The following GRIP1 variants were observed in gnomAD, a reference collection of about 807,000 sequenced individuals.
GRIP1 encodes glutamate receptor interacting protein 1.
GRIP1 carries 45 observed loss-of-function variants against 129.9 expected under a neutral mutation model. That is an observed-to-expected ratio of 0.35 (90% CI 0.27 to 0.44). GRIP1 has a LOEUF of 0.44. Among genes scored for constraint, GRIP1 ranks in the 20% least tolerant of loss-of-function variants. The pLI, the probability that GRIP1 is intolerant of heterozygous loss-of-function variation, is 1.00. For synonymous variants in GRIP1, 530 were observed against 520.8 expected (o/e 1.02, Z -0.24); for missense variants, 1,196 against 1,396.8 (o/e 0.86, Z 2.29).
intron 1 of GRIP1, among the ~76,000 whole-genome samples, chr12:66,766,759 T>A (rs960517301): frequency 6.6e-6 from 1 of 152,242 alleles, no homozygotes; most frequent in Non-Finnish European, 1.5e-5. Flanking sequence ...CATTAAATTA[T>A]AAATTTGTTA....
In GRIP1 at chr12:66,444,690, G is replaced by C. The variant is rs1392822000; in HGVS notation, c.1581C>G (p.Ile527Met). The change falls in exon 13 of 25, where the codon ATC becomes ATG. Residue 527 changes from isoleucine to methionine, a missense_variant. Transcript: ENST00000359742. Reference sequence around the variant, plus strand: ...TGCTGTCTTCTGTTGGAATTCCATTGATGGCCATCACTCTGTCTCCAATCT... The same window carrying C: ...TGCTGTCTTCTGTTGGAATTCCATTCATGGCCATCACTCTGTCTCCAATCT... ...VLQIGDRVMA[I>M]NGIPTEDSTF... is the part of the protein sequence containing the mutation. 13 of 1,613,848 alleles carry C rather than the reference G, an allele frequency of 8.1e-6. No individual in the cohort carries two copies. Among genetic ancestry groups the C allele is most frequent in the South Asian group, 1.1e-5 (1 of 91,058 alleles).
chr12:66,970,101 A>G (rs1157661545), intron 1 of GRIP1, among the ~76,000 whole-genome samples: 1 of 152,112 alleles, frequency 6.6e-6, no homozygotes, highest in Non-Finnish European at 1.5e-5. Context: ...TTGTTGAGAC[A>G]GGGTCTTACT....
intron 7 of GRIP1, among the ~76,000 whole-genome samples, chr12:66,507,476 TAG>T (rs1248988991): frequency 3.3e-5 from 5 of 151,248 alleles, no homozygotes; most frequent in African/African-American, 9.7e-5. Flanking sequence ...AAAGTATGAA[TAG>T]TGGCTAATTT....
intron 1 of GRIP1, among the ~76,000 whole-genome samples, chr12:66,760,146 G>A (rs189791454): frequency 3.1e-4 from 47 of 152,210 alleles, no homozygotes; most frequent in Non-Finnish European, 5.9e-4. Flanking sequence ...GAGCCACCTT[G>A]CCCAGCACAC....
intron 23 of GRIP1, among the ~76,000 whole-genome samples, chr12:66,355,010 C>A (rs547444959): frequency 6.6e-6 from 1 of 152,152 alleles, no homozygotes; most frequent in East Asian, 1.9e-4. Flanking sequence ...CTGTGAGACT[C>A]CAGACACCAA....
intron 7 of GRIP1, among the ~76,000 whole-genome samples, chr12:66,487,883 T>G (rs534463285): frequency 2.0e-5 from 3 of 151,188 alleles, no homozygotes; most frequent in Non-Finnish European, 4.4e-5. Flanking sequence ...AAAAAGACAA[T>G]GGGATTACAT....
chr12:66,428,013 T>G (rs2058038691), intron 14 of GRIP1, among the ~76,000 whole-genome samples: 1 of 152,178 alleles, frequency 6.6e-6, no homozygotes, highest in Non-Finnish European at 1.5e-5. Context: ...GGAGTTCAAG[T>G]CTTAAGCATT....
At chr12:66,981,859 A>G (rs994968325) in intron 1 of GRIP1, among the ~76,000 whole-genome samples, 1 of 152,220 alleles carries the variant, frequency 6.6e-6, no homozygotes, top group Non-Finnish European at 1.5e-5. Context: ...AAAAGAAAGT[A>G]GTTTCTAAAT....
intron 2 of GRIP1, among the ~76,000 whole-genome samples, chr12:66,577,701 G>C (rs140768337): frequency 3.3e-5 from 5 of 152,158 alleles, no homozygotes; most frequent in African/African-American, 1.2e-4. Context: ...TGTAATTCCA[G>C]TACTTTGGGA....
intron 1 of GRIP1, among the ~76,000 whole-genome samples, chr12:66,931,480 G>T (rs748129081): frequency 5.3e-5 from 8 of 152,172 alleles, no homozygotes; most frequent in Non-Finnish European, 1.2e-4. Flanking sequence ...TGAGGAAGAC[G>T]GACAGAGAAA....
chr12:67,032,582 G>C (rs996826016), intron 1 of GRIP1, among the ~76,000 whole-genome samples: 3 of 152,162 alleles, frequency 2.0e-5, no homozygotes, highest in East Asian at 1.9e-4. Context: ...ATAATTCTTT[G>C]TTGATGGGGA....
At chr12:66,932,564 G>A (rs2041415174) in intron 1 of GRIP1, among the ~76,000 whole-genome samples, 1 of 150,872 alleles carries the variant, frequency 6.6e-6, no homozygotes, top group Admixed American at 6.6e-5. Context: ...CCTGAATTGA[G>A]TCTCTTAGTC....
chr12:66,392,374 G>A lies in GRIP1; in HGVS notation c.2398C>T (p.Pro800Ser), dbSNP rs2056623403. The A allele has an allele frequency of 1.9e-6, 3 of 1,613,180 alleles. No individual in the cohort carries two copies. The highest frequency in any genetic ancestry group is 2.2e-5 in the South Asian group (2 of 91,064). ...KLSDMYPSTV[P>S]SVDSAVDSWD... ...GAATCCACAGCACTGTCCACACTGG[G>A]CACCGTGGAGGGGTACATGTCGGAG... The change falls in exon 19 of 25, where the codon CCC (proline) becomes TCC (serine). Residue 800 changes from proline to serine, a missense_variant. Coordinates refer to ENST00000359742, the MANE Select transcript of GRIP1 (RefSeq NM_001366722.1).
At chr12:66,856,578 T>G (rs995934539) in intron 1 of GRIP1, among the ~76,000 whole-genome samples, 5 of 151,948 alleles carry the variant, frequency 3.3e-5, no homozygotes, top group African/African-American at 1.2e-4. Flanking sequence ...GAACAGACAC[T>G]TCTCAAAAGA....
intron 1 of GRIP1, among the ~76,000 whole-genome samples, chr12:66,815,583 A>G (rs1335732744): frequency 2.0e-5 from 3 of 152,148 alleles, no homozygotes; most frequent in Non-Finnish European, 4.4e-5. Context: ...CAACATAGTG[A>G]GACCCCATCT....
At chr12:66,902,999 C>T (rs572913285) in intron 1 of GRIP1, among the ~76,000 whole-genome samples, 6 of 152,046 alleles carry the variant, frequency 3.9e-5, no homozygotes, top group Non-Finnish European at 7.4e-5. Context: ...TTTTTAAATA[C>T]ATTATTTATA....
At chr12:67,051,332 G>A (rs1425936734) in intron 1 of GRIP1, among the ~76,000 whole-genome samples, 2 of 151,852 alleles carry the variant, frequency 1.3e-5, no homozygotes, top group Admixed American at 1.3e-4. Context: ...AATGCACTTT[G>A]CAGAGAGATT....
At chr12:66,827,624 C>T (rs2039442952) in intron 1 of GRIP1, among the ~76,000 whole-genome samples, 1 of 152,058 alleles carries the variant, frequency 6.6e-6, no homozygotes, top group South Asian at 2.1e-4. Context: ...GCTATGCAGG[C>T]CACCTTAAGA....
intron 1 of GRIP1, among the ~76,000 whole-genome samples, chr12:66,761,305 T>C (rs947485807): frequency 6.6e-6 from 1 of 152,112 alleles, no homozygotes; most frequent in Non-Finnish European, 1.5e-5. Flanking sequence ...TGCATCTTTG[T>C]CTGTCATCCA....
Sources: gnomAD v4.1 joint callset for allele counts (sites outside exome capture counted in the v4.1 genomes callset) on GRCh38, gnomAD v4.1.1 for gene constraint, MANE v1.5 for transcripts, NCBI Gene and HGNC (gene_info 2026-07-23, HGNC 2026-07-21) for gene names.